The following BCAT1 variants were observed in gnomAD, a reference collection of about 807,000 sequenced individuals.
BCAT1 encodes the protein branched-chain-amino-acid aminotransferase, cytosolic.
In BCAT1, 48 loss-of-function variants were observed where a neutral mutation model predicts 52.4. That is an observed-to-expected ratio of 0.92 (90% confidence interval 0.73 to 1.16). The LOEUF (loss-of-function observed/expected upper bound fraction) is 1.16, where lower values mean the gene tolerates loss of function less well. Ranked by LOEUF, BCAT1 falls within the 50% of genes most tolerant of loss-of-function variation. BCAT1 has a pLI of 0.00. For missense variants in BCAT1, 451 were observed against 457.1 expected (o/e 0.99, Z 0.12); for synonymous variants, 167 against 161.3 (o/e 1.04, Z -0.27).
intron 1 of BCAT1, among the ~76,000 whole-genome samples, chr12:24,907,613 T>C (rs1943246670): frequency 6.6e-6 from 1 of 152,238 alleles, no homozygotes; most frequent in Non-Finnish European, 1.5e-5. Flanking sequence ...ATAATGTACT[T>C]TGTGATATTT....
intron 5 of BCAT1, among the ~76,000 whole-genome samples, chr12:24,872,416 T>C (rs1942205983): frequency 6.6e-6 from 1 of 152,230 alleles, no homozygotes; most frequent in South Asian, 2.1e-4. Flanking sequence ...TTTCATAATG[T>C]AAGATTTCCC....
chr12:24,946,830 A>T (rs909435025), intron 1 of BCAT1, among the ~76,000 whole-genome samples: 1 of 152,228 alleles, frequency 6.6e-6, no homozygotes, highest in Non-Finnish European at 1.5e-5. Context: ...TTTCATAATA[A>T]GGTTTTAAAC....
At chr12:24,873,661 G>T (rs953338810) in intron 5 of BCAT1, among the ~76,000 whole-genome samples, 13 of 152,110 alleles carry the variant, frequency 8.5e-5, no homozygotes, top group African/African-American at 3.1e-4. Context: ...TTCAGATTTT[G>T]GATTAATCTG....
At chr12:24,855,826 C>T (rs35951011) in intron 5 of BCAT1, among the ~76,000 whole-genome samples, 371 of 151,210 alleles carry the variant, frequency 2.5e-3, no homozygotes, top group South Asian at 5.7e-3. Flanking sequence ...CAGAGTCTTG[C>T]CATGTTGACT....
At chr12:24,864,553 C>T (rs991891012) in intron 5 of BCAT1, among the ~76,000 whole-genome samples, 15 of 152,162 alleles carry the variant, frequency 9.9e-5, no homozygotes, top group African/African-American at 3.4e-4. Context: ...AGAAGGAGAA[C>T]TATGATAGGA....
chr12:24,940,581 G>T (rs1943833426), intron 1 of BCAT1, among the ~76,000 whole-genome samples: 1 of 152,176 alleles, frequency 6.6e-6, no homozygotes, highest in South Asian at 2.1e-4. Context: ...ACCAAGTAAT[G>T]GTTATATGTT....
intron 1 of BCAT1, 84 bp from the exon 2 acceptor site, chr12:24,901,969 A>G (rs1314513558): frequency 6.2e-7 from 1 of 1,610,348 alleles, no homozygotes; most frequent in South Asian, 1.1e-5. Context: ...TCACCATGAT[A>G]CCGTGCGCTC....
At chr12:24,918,720 A>G (rs1405462529) in intron 1 of BCAT1, among the ~76,000 whole-genome samples, 1 of 152,204 alleles carries the variant, frequency 6.6e-6, no homozygotes, top group African/African-American at 2.4e-5. Context: ...ACCTATGTTC[A>G]AAATAGAATC....
intron 6 of BCAT1, among the ~76,000 whole-genome samples, chr12:24,849,367 T>C (rs1321167661): frequency 1.3e-5 from 2 of 152,214 alleles, no homozygotes; most frequent in African/African-American, 2.4e-5. Flanking sequence ...CATGACTCCC[T>C]GGAGCCAACT....
intron 1 of BCAT1, among the ~76,000 whole-genome samples, chr12:24,931,812 G>T (rs543770456): frequency 1.1e-4 from 17 of 152,178 alleles, no homozygotes; most frequent in Non-Finnish European, 2.2e-4. Flanking sequence ...AGGAAGTAAA[G>T]TAAAAAGGAG....
At chr12:24,889,749 G>C (rs983170285) in intron 3 of BCAT1, among the ~76,000 whole-genome samples, 1 of 152,092 alleles carries the variant, frequency 6.6e-6, no homozygotes, top group Non-Finnish European at 1.5e-5. Flanking sequence ...CAGCACTTTC[G>C]GAGGCAGAGG....
intron 5 of BCAT1, among the ~76,000 whole-genome samples, chr12:24,861,514 T>C (rs549161810): frequency 4.4e-4 from 67 of 152,218 alleles, no homozygotes; most frequent in African/African-American, 1.6e-3. Flanking sequence ...GAGTTAGGAA[T>C]GGCCTTCACC....
intron 1 of BCAT1, among the ~76,000 whole-genome samples, chr12:24,919,816 G>T (rs571083946): frequency 1.3e-5 from 2 of 152,252 alleles, no homozygotes; most frequent in Admixed American, 6.5e-5. Flanking sequence ...TCATGGGGGC[G>T]GTTTCCCCCA....
intron 7 of BCAT1, among the ~76,000 whole-genome samples, chr12:24,836,941 AG>A (rs764079594): frequency 8.2e-6 from 1 of 122,368 alleles, no homozygotes; most frequent in African/African-American, 2.8e-5. Flanking sequence ...AAAGAAAGAA[AG>A]AAAGAAAGAA....
intron 7 of BCAT1, among the ~76,000 whole-genome samples, chr12:24,836,908 GAGAA>G (rs201215375): frequency 0.072 from 2,916 of 40,740 alleles, 204 homozygotes; most frequent in Middle Eastern, 0.27. Context: ...AAAAGAAAGA[GAGAA>G]AGAAAGAAAG....
chr12:24,870,487 C>T (rs909727825), intron 5 of BCAT1, among the ~76,000 whole-genome samples: 4 of 152,202 alleles, frequency 2.6e-5, no homozygotes, highest in Non-Finnish European at 5.9e-5. Context: ...TTCTTCACAG[C>T]AGTGACCGCC....
intron 6 of BCAT1, among the ~76,000 whole-genome samples, chr12:24,846,364 A>G (rs1381122182): frequency 1.3e-5 from 2 of 152,306 alleles, no homozygotes; most frequent in East Asian, 1.9e-4. Context: ...AACTGATACC[A>G]TGGTAATATA....
chr12:24,911,385 C>T (rs1383886492), intron 1 of BCAT1, among the ~76,000 whole-genome samples: 1 of 152,196 alleles, frequency 6.6e-6, no homozygotes, highest in African/African-American at 2.4e-5. Flanking sequence ...CAGGGCTACA[C>T]AGGCAACCCC....
intron 1 of BCAT1, among the ~76,000 whole-genome samples, chr12:24,928,818 C>A (rs1475330242): frequency 6.6e-6 from 1 of 152,020 alleles, no homozygotes; most frequent in Non-Finnish European, 1.5e-5. Flanking sequence ...TCACCACAAC[C>A]TCTGCCTCCC....
Sources: gnomAD v4.1 joint callset for allele counts (sites outside exome capture counted in the v4.1 genomes callset) on GRCh38, gnomAD v4.1.1 for gene constraint, MANE v1.5 for transcripts, NCBI Gene and HGNC (gene_info 2026-07-23, HGNC 2026-07-21) for gene names.